Variants in CFAP221 observed in about 807,000 individuals in gnomAD.
The protein encoded by CFAP221 is cilia and flagella associated protein 221.
In CFAP221, 97 loss-of-function variants were observed where a neutral mutation model predicts 113.1. The observed-to-expected ratio is 0.86, with a 90% CI of 0.73 to 1.02. CFAP221 has a LOEUF of 1.02. Among genes scored for constraint, CFAP221 ranks in the 50% least tolerant of loss-of-function variants. The probability of loss-of-function intolerance (pLI) is 0.00; values close to 1 mark genes in which losing one functional copy is unlikely to be tolerated. For missense variants in CFAP221, 1,025 were observed against 1,013.4 expected (o/e 1.01, Z -0.16); for synonymous variants, 331 against 354.4 (o/e 0.93, Z 0.74).
At chr2:119,608,424 A>G (rs1214059809) in intron 11 of CFAP221, 78 bp from the exon 12 acceptor site, 12 of 1,112,268 alleles carry the variant, frequency 1.1e-5, no homozygotes, top group Non-Finnish European at 1.5e-5. Flanking sequence ...GTTTTGGAAT[A>G]TAGTGAAATA....
At chr2:119,627,937 G>A in intron 16 of CFAP221, 151 bp downstream of exon 16, 1 of 1,120,842 alleles carries the variant, frequency 8.9e-7, no homozygotes, top group Non-Finnish European at 1.3e-6. Flanking sequence ...TGGAAAACCA[G>A]GGATCATCTC....
At chr2:119,549,989 C>T (rs2105011139) in intron 3 of CFAP221, among the ~76,000 whole-genome samples, 1 of 152,348 alleles carries the variant, frequency 6.6e-6, no homozygotes, top group African/African-American at 2.4e-5. Context: ...CGTAAATGGA[C>T]CTGAACAACC....
At chr2:119,634,577 A>G (rs1686999429) in intron 19 of CFAP221, among the ~76,000 whole-genome samples, 1 of 152,176 alleles carries the variant, frequency 6.6e-6, no homozygotes, top group African/African-American at 2.4e-5. Context: ...CTAAAAATCT[A>G]TCAACAGATG....
chr2:119,558,977 C>T (rs1003607942), intron 3 of CFAP221, among the ~76,000 whole-genome samples: 1 of 152,216 alleles, frequency 6.6e-6, no homozygotes, highest in Admixed American at 6.5e-5. Context: ...ACAGACCCAG[C>T]GTCTGGCCTA....
At chr2:119,612,771 G>A (rs1445683735) in intron 13 of CFAP221, among the ~76,000 whole-genome samples, 1 of 151,928 alleles carries the variant, frequency 6.6e-6, no homozygotes, top group African/African-American at 2.4e-5. Context: ...TTCCACCACT[G>A]GTCCTCCAAA....
intron 21 of CFAP221, among the ~76,000 whole-genome samples, chr2:119,645,071 TTTTCTTTTCTC>T (rs1414940131): frequency 6.8e-6 from 1 of 146,236 alleles, no homozygotes; most frequent in East Asian, 2.1e-4. Flanking sequence ...GGTAATTTCT[TTTTCTTTTCTC>T]TTTCTTTTCT....
chr2:119,634,994 T>A (rs1687026133), intron 19 of CFAP221, among the ~76,000 whole-genome samples: 1 of 152,202 alleles, frequency 6.6e-6, no homozygotes, highest in Admixed American at 6.5e-5. Context: ...AAATAATTTT[T>A]AAAAGAATTA....
intron 15 of CFAP221, 131 bp from the exon 16 acceptor site, chr2:119,627,518 GATAT>G (rs57740311): frequency 0.072 from 33,636 of 465,004 alleles, 840 homozygotes; most frequent in African/African-American, 0.14. Flanking sequence ...AGTAAAAGTG[GATAT>G]ATATATATAT....
intron 23 of CFAP221, among the ~76,000 whole-genome samples, chr2:119,655,256 C>T (rs1521913): frequency 0.97 from 148,332 of 152,286 alleles, 72,363 homozygotes; most frequent in Non-Finnish European, 1. Context: ...ACATTCCCCA[C>T]AAAATGTTCA....
At chr2:119,624,339 AG>A in intron 14 of CFAP221, among the ~76,000 whole-genome samples, 1 of 152,340 alleles carries the variant, frequency 6.6e-6, no homozygotes, top group East Asian at 1.9e-4. Flanking sequence ...CACGCCAGTT[AG>A]AATGGCAATC....
At chr2:119,647,115 C>A in intron 22 of CFAP221, 65 bp downstream of exon 22, 1 of 1,274,134 alleles carries the variant, frequency 7.8e-7, no homozygotes, top group Non-Finnish European at 1.1e-6. Context: ...ATGTGAGGTG[C>A]TGTGAGGAAC....
At chr2:119,551,987 A>G (rs1316990138) in intron 3 of CFAP221, among the ~76,000 whole-genome samples, 1 of 152,172 alleles carries the variant, frequency 6.6e-6, no homozygotes, top group Non-Finnish European at 1.5e-5. Context: ...CCTCAGAATT[A>G]CATAGTTATA....
chr2:119,625,131 C>T (rs1257911855), intron 14 of CFAP221, among the ~76,000 whole-genome samples: 1 of 152,170 alleles, frequency 6.6e-6, no homozygotes, highest in East Asian at 1.9e-4. Context: ...CCTGCAGTAG[C>T]ATCAGCTCTG....
chr2:119,572,300 T>C (rs193287448), intron 6 of CFAP221, among the ~76,000 whole-genome samples: 1 of 152,324 alleles, frequency 6.6e-6, no homozygotes, highest in Admixed American at 6.5e-5. Context: ...TGCAGAGGAC[T>C]TTCAGTTCTC....
At chr2:119,659,343 C>G (rs1688543405), downstream of CFAP221, among the ~76,000 whole-genome samples, 4 of 152,206 alleles carry the variant, frequency 2.6e-5, no homozygotes, top group Non-Finnish European at 5.9e-5. Flanking sequence ...CTACTCCCAT[C>G]AGTGTGGTTG....
At chr2:119,635,287 T>C (rs1687045565) in intron 19 of CFAP221, among the ~76,000 whole-genome samples, 1 of 152,226 alleles carries the variant, frequency 6.6e-6, no homozygotes, top group Non-Finnish European at 1.5e-5. Flanking sequence ...ACCCACCATA[T>C]GTCCAACCAT....
chr2:119,637,078 C>T (rs1687161567), intron 19 of CFAP221, among the ~76,000 whole-genome samples: 1 of 152,236 alleles, frequency 6.6e-6, no homozygotes, highest in Admixed American at 6.5e-5. Flanking sequence ...CAGCCCCACT[C>T]CCCATCACAC....
At position 119,604,860 on chromosome 2, in the gene CFAP221, T is replaced by C. The variant is rs1411277290; in HGVS notation, c.913-16T>C. ...GGGGCAGACTAACTGATTTCCCTATTGATTTGGTCTCTTAGGAAATTGAGT... is the reference window on the plus strand; with the variant it reads ...GGGGCAGACTAACTGATTTCCCTATCGATTTGGTCTCTTAGGAAATTGAGT... On this transcript the variant is annotated splice_polypyrimidine_tract_variant and intron_variant, in intron 9 of 23. Transcript: ENST00000413369. 1.2e-6 allele frequency: 2 copies of C among 1,613,390 alleles called. No homozygotes were observed. Among genetic ancestry groups the C allele is most frequent in the South Asian group, 2.2e-5 (2 of 90,934 alleles).
chr2:119,554,954 C>A (rs1162327987), intron 3 of CFAP221, among the ~76,000 whole-genome samples: 1 of 152,074 alleles, frequency 6.6e-6, no homozygotes, highest in African/African-American at 2.4e-5. Context: ...GGGTCGGGAC[C>A]CACTCCAAGC....
Sources: allele counts gnomAD v4.1 joint callset (sites outside exome capture counted in the v4.1 genomes callset), GRCh38; gene constraint gnomAD v4.1.1; transcripts MANE v1.5; gene names NCBI Gene and HGNC (gene_info 2026-07-23, HGNC 2026-07-21).